Variants in PEAK1 observed in about 807,000 individuals in gnomAD.
The protein encoded by PEAK1 is pseudopodium enriched atypical kinase 1.
Under a neutral mutation model 124.7 loss-of-function variants are expected in PEAK1, and 54 were observed. The observed-to-expected ratio is 0.43, with a 90% CI of 0.35 to 0.54. The LOEUF is 0.54. Among genes scored for constraint, PEAK1 ranks in the 20% least tolerant of loss-of-function variants. PEAK1 has a pLI of 0.01. For synonymous variants in PEAK1, 719 were observed against 760.0 expected, an observed-to-expected ratio of 0.95 and a Z score of 0.89; for missense variants, 2,046 against 2,134.5, an observed-to-expected ratio of 0.96 and a Z score of 0.82.
chr15:77,398,457 G>A (rs2071084230), intron 1 of PEAK1, among the ~76,000 whole-genome samples: 1 of 152,142 alleles, frequency 6.6e-6, no homozygotes, highest in Admixed American at 6.5e-5. Flanking sequence ...AGGATGGCTT[G>A]ACATATGCAA....
At chr15:77,161,367 G>A (rs2055623164) in intron 7 of PEAK1, among the ~76,000 whole-genome samples, 1 of 152,178 alleles carries the variant, frequency 6.6e-6, no homozygotes, top group African/African-American at 2.4e-5. Flanking sequence ...CAAAGTGAAA[G>A]CTAGTTTTAT....
intron 7 of PEAK1, among the ~76,000 whole-genome samples, chr15:77,168,209 A>G (rs1472754650): frequency 1.3e-5 from 2 of 149,728 alleles, no homozygotes; most frequent in Non-Finnish European, 3.0e-5. Flanking sequence ...TCCATGCCAT[A>G]TGTACATGCA....
chr15:77,163,399 T>C (rs2055830280), intron 7 of PEAK1, among the ~76,000 whole-genome samples: 1 of 152,228 alleles, frequency 6.6e-6, no homozygotes, highest in South Asian at 2.1e-4. Context: ...TGGAAGGTTG[T>C]ATCTCATCAG....
At chr15:77,238,893 T>C (rs547105433) in intron 6 of PEAK1, among the ~76,000 whole-genome samples, 3 of 152,312 alleles carry the variant, frequency 2.0e-5, no homozygotes, top group East Asian at 3.9e-4. Context: ...AATCCCCAAA[T>C]AGCCATTCAT....
Position 77,115,331 on chromosome 15 carries a change from T to C in PEAK1, c.4078-12A>G, listed in dbSNP as rs1475000142. The C allele has an allele frequency of 6.2e-7, 1 of 1,603,204 alleles. No individual in the cohort carries two copies. Among genetic ancestry groups the C allele is most frequent in the African/African-American group, 1.3e-5 (1 of 74,548 alleles). ...TTGCTCTTACAGATCTGAAAGATAA[T>C]AAAACAATTCAAAACTCACACTCTC... On this transcript the variant is annotated splice_polypyrimidine_tract_variant and intron_variant, in intron 9 of 9. Transcript: ENST00000682557.
intron 9 of PEAK1, among the ~76,000 whole-genome samples, chr15:77,127,831 G>C (rs1040627300): frequency 6.6e-6 from 1 of 152,184 alleles, no homozygotes; most frequent in Non-Finnish European, 1.5e-5. Flanking sequence ...TGTAATCCCA[G>C]TACTTTGGGA....
intron 1 of PEAK1, chr15:77,419,522 C>T: frequency 1.0e-6 from 1 of 985,240 alleles, no homozygotes; most frequent in African/African-American, 1.7e-5. Context: ...CCGACGCTGC[C>T]GGCGAGGCTG....
chr15:77,342,823 T>C (rs1351357709), intron 2 of PEAK1, among the ~76,000 whole-genome samples: 2 of 152,238 alleles, frequency 1.3e-5, no homozygotes, highest in Non-Finnish European at 2.9e-5. Flanking sequence ...AATATCCCAC[T>C]GTATGTATAT....
At chr15:77,387,220 T>C (rs1366399284) in intron 1 of PEAK1, among the ~76,000 whole-genome samples, 2 of 152,210 alleles carry the variant, frequency 1.3e-5, no homozygotes, top group African/African-American at 4.8e-5. Flanking sequence ...AATAAGTTAT[T>C]AAATTCTCTC....
intron 2 of PEAK1, among the ~76,000 whole-genome samples, chr15:77,323,793 C>T (rs1057163010): frequency 6.6e-6 from 1 of 152,112 alleles, no homozygotes; most frequent in Non-Finnish European, 1.5e-5. Context: ...CTTTAAAGTT[C>T]ATATGGAACC....
rs183873872 is a variant in PEAK1, at chr15:77,165,054, C to T, written c.3138-6358G>A. ...GAGTAGCTGGGATGACAGGTGCCCA[C>T]CACGCCTGGCTAAATTTTGTATTTT... On this transcript the variant is annotated intron_variant, in intron 7 of 9. Transcript: ENST00000682557. 5.9e-5 allele frequency among the ~76,000 whole-genome samples: 9 copies of T among 152,266 alleles called. No individual in the cohort carries two copies. The East Asian group carries it at 1.7e-3, about 29-fold the overall frequency.
At chr15:77,315,618 A>AAAAAAT (rs2064821740) in intron 2 of PEAK1, among the ~76,000 whole-genome samples, 1 of 151,698 alleles carries the variant, frequency 6.6e-6, no homozygotes, top group Non-Finnish European at 1.5e-5. Context: ...GGATGAGTAA[A>AAAAAAT]AAAAATAAAA....
chr15:77,296,089 C>CAT (rs1427630820), intron 2 of PEAK1, among the ~76,000 whole-genome samples: 1 of 151,958 alleles, frequency 6.6e-6, no homozygotes, highest in Non-Finnish European at 1.5e-5. Flanking sequence ...TAAAATATTC[C>CAT]CCTTATTTTC....
chr15:77,412,020 A>G (rs1352088527), intron 1 of PEAK1, among the ~76,000 whole-genome samples: 4 of 152,218 alleles, frequency 2.6e-5, no homozygotes, highest in Non-Finnish European at 5.9e-5. Flanking sequence ...AACCCCAAAC[A>G]TAACTTGGTA....
chr15:77,335,958 C>G, intron 2 of PEAK1: 1 of 985,270 alleles, frequency 1.0e-6, no homozygotes, highest in Non-Finnish European at 1.2e-6. Context: ...AATCTTTTAC[C>G]AGGTTAGGTA....
chr15:77,190,178 G>C (rs1055821031), intron 6 of PEAK1, among the ~76,000 whole-genome samples: 1 of 152,064 alleles, frequency 6.6e-6, no homozygotes, highest in Admixed American at 6.5e-5. Flanking sequence ...CTATAGAAAA[G>C]AGTGAACAAT....
intron 2 of PEAK1, among the ~76,000 whole-genome samples, chr15:77,328,301 T>C (rs2065697393): frequency 6.6e-6 from 1 of 152,198 alleles, no homozygotes; most frequent in Non-Finnish European, 1.5e-5. Flanking sequence ...CAAGTACTTA[T>C]TTTGAATGTA....
At chr15:77,221,291 G>T (rs2059379393) in intron 6 of PEAK1, among the ~76,000 whole-genome samples, 1 of 152,084 alleles carries the variant, frequency 6.6e-6, no homozygotes, top group African/African-American at 2.4e-5. Context: ...GGACCTAAAT[G>T]ATTGCCCTGT....
intron 1 of PEAK1, chr15:77,404,110 G>C: frequency 1.0e-6 from 1 of 985,048 alleles, no homozygotes; most frequent in Non-Finnish European, 1.2e-6. Flanking sequence ...TAGGCCTTTA[G>C]ACAACTACAA....
Sources: allele counts gnomAD v4.1 joint callset (sites outside exome capture counted in the v4.1 genomes callset), GRCh38; gene constraint gnomAD v4.1.1; transcripts MANE v1.5; gene names NCBI Gene and HGNC (gene_info 2026-07-23, HGNC 2026-07-21).